CHM: variants seen among roughly 807,000 people sequenced by gnomAD.
CHM encodes rab proteins geranylgeranyltransferase component A 1.
Under a neutral mutation model 49.0 loss-of-function variants are expected in CHM, and 10 were observed. The observed-to-expected ratio is 0.20, with a 90% CI of 0.13 to 0.35. The LOEUF is 0.35. Ranked by LOEUF, CHM falls within the 10% of genes least tolerant of loss-of-function variation. CHM has a pLI of 1.00. For synonymous variants in CHM, 184 were observed against 167.5 expected (o/e 1.10, Z -0.76); for missense variants, 455 against 478.4 (o/e 0.95, Z 0.46).
intron 12 of CHM, among the ~76,000 whole-genome samples, chrX:85,892,320 C>T (rs1481121312): frequency 9.0e-6 from 1 of 110,906 alleles, no homozygotes; most frequent in Non-Finnish European, 1.9e-5. Flanking sequence ...GCTGTGTCCC[C>T]ACTGAAATCT....
chrX:85,922,403 A>G (rs1927846816), intron 8 of CHM, among the ~76,000 whole-genome samples: 1 of 111,937 alleles, frequency 8.9e-6, no homozygotes, highest in Non-Finnish European at 1.9e-5. Flanking sequence ...TGTCAGAAGT[A>G]AATGCTGTAT....
At chrX:85,995,938 C>T (rs1367677133) in intron 2 of CHM, among the ~76,000 whole-genome samples, 1 of 111,897 alleles carries the variant, frequency 8.9e-6, no homozygotes, top group African/African-American at 3.2e-5. Context: ...TCATTTTTCT[C>T]ACTCTTACAG....
chrX:86,017,806 T>G (rs1228798583), intron 2 of CHM, among the ~76,000 whole-genome samples: 2 of 111,486 alleles, frequency 1.8e-5, no homozygotes, highest in Non-Finnish European at 3.8e-5. Flanking sequence ...CACAAGGATA[T>G]CACAATTCTA....
At position 85,991,061 on chromosome X, in the gene CHM, G is replaced by A. The variant is rs530911361; in HGVS notation, c.117-9252C>T. On this transcript the variant is annotated intron_variant, in intron 2 of 14. Transcript: ENST00000357749. ...CAGGTAGCTAATGGGATCCAAGGTT[G>A]CTCGATGGGAACAAGAGCAGCATAG... 8.0e-5 allele frequency among the ~76,000 whole-genome samples: 9 copies of A among 111,875 alleles called. No individual in the cohort carries two copies. In the South Asian group the frequency reaches 3.4e-3, roughly 42 times the overall value.
intron 2 of CHM, among the ~76,000 whole-genome samples, chrX:85,983,030 G>C (rs1341453972): frequency 9.0e-6 from 1 of 110,871 alleles, no homozygotes; most frequent in African/African-American, 3.3e-5. Context: ...TGCTACTGGA[G>C]ATCATCTCCC....
chrX:85,915,919 C>T (rs1227172016), intron 8 of CHM, among the ~76,000 whole-genome samples: 2 of 112,279 alleles, frequency 1.8e-5, no homozygotes, highest in Non-Finnish European at 3.8e-5. Flanking sequence ...CTACCACTGA[C>T]ATTCTTCAAA....
intron 2 of CHM, among the ~76,000 whole-genome samples, chrX:86,001,025 GATGAT>G (rs1188619137): frequency 8.9e-6 from 1 of 112,127 alleles, no homozygotes; most frequent in Non-Finnish European, 1.9e-5. Context: ...CAAATGTTTA[GATGAT>G]ATATTTCCCA....
At chrX:85,968,430 C>G (rs1022949320) in intron 4 of CHM, among the ~76,000 whole-genome samples, 3 of 111,711 alleles carry the variant, frequency 2.7e-5, no homozygotes, top group African/African-American at 9.8e-5. Flanking sequence ...CAACAAATAC[C>G]CTTTTTCTCT....
Position 85,976,869 on chromosome X carries a change from CACACAA to C in CHM, c.314+1892_314+1897del, listed in dbSNP as rs202120190. ...AAACTACAATGCTAGGGGGAAAACA[CACACAA>C]ACACACACACACACACACACACACA... On this transcript the variant is annotated intron_variant, in intron 4 of 14. Coordinates refer to ENST00000357749, the MANE Select transcript of CHM (RefSeq NM_000390.4). Among the ~76,000 whole-genome samples, 664 of 68,347 alleles carry C rather than the reference CACACAA, an allele frequency of 9.7e-3. 2 individuals carry two copies. The highest frequency in any genetic ancestry group is 0.019 in the Admixed American group (104 of 5,421). The allele number at this position is 68,347 out of a possible 115,157, so 59.4% of individuals were successfully genotyped here. A position where few individuals can be genotyped will look rare whatever the true frequency, so the allele number is the denominator to read the frequency against.
intron 9 of CHM, among the ~76,000 whole-genome samples, chrX:85,907,123 CTG>C (rs1926644419): frequency 9.0e-6 from 1 of 111,154 alleles, no homozygotes; most frequent in Admixed American, 9.5e-5. Flanking sequence ...AAGCGAGACT[CTG>C]TCTCAAAAAT....
intron 8 of CHM, among the ~76,000 whole-genome samples, chrX:85,932,830 A>G (rs1464046053): frequency 4.5e-5 from 5 of 112,125 alleles, no homozygotes; most frequent in Admixed American, 1.9e-4. Flanking sequence ...TCACAAAAAA[A>G]GACAAGCAAG....
intron 2 of CHM, among the ~76,000 whole-genome samples, chrX:85,994,866 A>G (rs985101309): frequency 1.8e-5 from 2 of 112,042 alleles, no homozygotes; most frequent in African/African-American, 6.5e-5. Context: ...GAAATTGCTC[A>G]AGGGGAGAAG....
chrX:85,908,898 T>G (rs1033701603), intron 9 of CHM, among the ~76,000 whole-genome samples: 1 of 111,914 alleles, frequency 8.9e-6, no homozygotes, highest in African/African-American at 3.2e-5. Flanking sequence ...TGGCTTACAT[T>G]TGAGCATATA....
intron 3 of CHM, 45 bp from the exon 4 acceptor site, chrX:85,978,936 T>C (rs1158358201): frequency 2.6e-6 from 3 of 1,167,949 alleles, no homozygotes; most frequent in Admixed American, 4.5e-5. Flanking sequence ...GTGGGCAGTG[T>C]GAAACATGCA....
chrX:86,043,335 G>A (rs1449185522), intron 1 of CHM, among the ~76,000 whole-genome samples: 1 of 110,920 alleles, frequency 9.0e-6, no homozygotes, highest in Non-Finnish European at 1.9e-5. Flanking sequence ...CAGGATTTAG[G>A]GGCAGTACTC....
chrX:85,865,465 T>G (rs1923633171), intron 14 of CHM, among the ~76,000 whole-genome samples: 2 of 111,873 alleles, frequency 1.8e-5, no homozygotes, highest in South Asian at 7.5e-4. Context: ...AATTACCTAG[T>G]CTCAGGTAGT....
chrX:86,027,544 G>A lies in CHM; in HGVS notation c.63C>T (p.Ser21=). Residue 21 remains serine (S), a synonymous_variant, in exon 2 of 15, where the codon TCC becomes TCT. Transcript: ENST00000357749. ...VIVIGTGLPE[S]IIAAACSRSG... is the part of the protein sequence containing the mutation. ...TTCTTGAACATGCAGCTGCAATGAT[G>A]GATTCAGGCAAACCTACAAAAACAC... 1.7e-6 allele frequency: 2 copies of A among 1,206,845 alleles called. No individual in the cohort carries two copies.
intron 2 of CHM, among the ~76,000 whole-genome samples, chrX:85,990,982 C>G (rs1384735503): frequency 2.7e-5 from 3 of 111,842 alleles, no homozygotes; most frequent in Non-Finnish European, 5.7e-5. Flanking sequence ...CAAGCATATT[C>G]ATCTGGGAAC....
At position 86,034,800 on chromosome X, in the gene CHM, A is replaced by C. The variant is rs972055915; in HGVS notation, c.50-7243T>G. Among the ~76,000 whole-genome samples the C allele has an allele frequency of 1.4e-4, 16 of 111,662 alleles. No homozygotes were observed. In the South Asian group the frequency reaches 1.5e-3, roughly 10 times the overall value. ...TGTCTCAAAACAAAACAAAACAAAA[A>C]AAAAGAAAGTGTGCAAAAGGAAATG... On this transcript the variant is annotated intron_variant, in intron 1 of 14. Transcript: ENST00000357749.
Sources: gnomAD v4.1 joint callset for allele counts (sites outside exome capture counted in the v4.1 genomes callset) on GRCh38, gnomAD v4.1.1 for gene constraint, MANE v1.5 for transcripts, NCBI Gene and HGNC (gene_info 2026-07-23, HGNC 2026-07-21) for gene names.